Variants in BCAR1 observed in about 807,000 individuals in gnomAD.
BCAR1 encodes breast cancer anti-estrogen resistance protein 1.
BCAR1 carries 30 observed loss-of-function variants against 67.6 expected under a neutral mutation model. That is an observed-to-expected ratio of 0.44 (90% CI 0.33 to 0.60). BCAR1 has a LOEUF of 0.60. Ranked by LOEUF, BCAR1 falls within the 20% of genes least tolerant of loss-of-function variation. BCAR1 has a pLI of 0.02. For missense variants in BCAR1, 1,313 were observed against 1,222.3 expected (o/e 1.07, Z -1.11); for synonymous variants, 626 against 556.7 (o/e 1.12, Z -1.75).
At chr16:75,267,933 G>C in exon 1 of BCAR1, 4 of 1,603,244 alleles carry the variant, frequency 2.5e-6, no homozygotes, top group Non-Finnish European at 3.4e-6. Flanking sequence ...AGGGATCCTT[G>C]GGTGTGGGCC....
rs372776970 is a variant in BCAR1 at position 75,257,501 on chromosome 16, C to T, written c.66+10414G>A. On this transcript the variant is annotated intron_variant, in intron 1 of 6. Coordinates refer to the BCAR1 transcript ENST00000393422. ...AAAGACAAGGTCTCTGTCACCGAGG[C>T]TGGAGTGCAGTGGCACAGTCACAGC... 7.2e-5 allele frequency among the ~76,000 whole-genome samples: 11 copies of T among 152,286 alleles called. No homozygotes were observed. The East Asian group carries it at 1.9e-3, about 27-fold the overall frequency.
chr16:75,253,956 C>T (rs180803938), upstream of BCAR1, among the ~76,000 whole-genome samples: 25 of 147,268 alleles, frequency 1.7e-4, no homozygotes, highest in South Asian at 6.8e-4. Flanking sequence ...AAAACAGGCT[C>T]ACCGTTAGCC....
chr16:75,243,488 G>A (rs773676329), intron 1 of BCAR1: 5 of 535,256 alleles, frequency 9.3e-6, no homozygotes, highest in African/African-American at 5.7e-5. Flanking sequence ...CTCTCTCGAG[G>A]TGCACGAAAA....
At chr16:75,258,979 C>A (rs1055325751) in intron 1 of BCAR1, among the ~76,000 whole-genome samples, 2 of 152,116 alleles carry the variant, frequency 1.3e-5, no homozygotes, top group East Asian at 3.8e-4. Context: ...GGAGGAGGGA[C>A]GCAGGTAGCT....
At chr16:75,253,880 T>C (rs1331675760), upstream of BCAR1, among the ~76,000 whole-genome samples, 1 of 152,060 alleles carries the variant, frequency 6.6e-6, no homozygotes. Context: ...CAGCACAGCC[T>C]CTGCGCCCAG....
At chr16:75,237,888 G>A (rs919570349) in intron 2 of BCAR1, among the ~76,000 whole-genome samples, 2 of 152,220 alleles carry the variant, frequency 1.3e-5, no homozygotes, top group African/African-American at 4.8e-5. Flanking sequence ...AGCACAGCAT[G>A]GGGAGACTCT....
upstream of BCAR1, among the ~76,000 whole-genome samples, chr16:75,253,295 G>A (rs960488339): frequency 9.9e-5 from 15 of 152,236 alleles, no homozygotes; most frequent in Admixed American, 3.3e-4. Flanking sequence ...GGGACCCTCA[G>A]GAGCCTGAGG....
chr16:75,232,348 T>A (rs2076929243), intron 6 of BCAR1, among the ~76,000 whole-genome samples: 1 of 151,994 alleles, frequency 6.6e-6, no homozygotes, highest in East Asian at 1.9e-4. Flanking sequence ...TTAGTAGAGA[T>A]GGGGTTTTGC....
chr16:75,248,395 G>A (rs1387517767), intron 1 of BCAR1: 9 of 1,195,984 alleles, frequency 7.5e-6, no homozygotes, highest in Middle Eastern at 7.1e-4. Context: ...CTATTTGCTT[G>A]TCCCAAAGAG....
At chr16:75,234,757 G>T in intron 5 of BCAR1, 132 bp downstream of exon 5, 2 of 1,357,908 alleles carry the variant, frequency 1.5e-6, no homozygotes, top group Non-Finnish European at 2.0e-6. Flanking sequence ...AATGTGGGGT[G>T]AGGGAGGTCA....
Position 75,236,996 on chromosome 16 carries a change from C to T in BCAR1, c.798G>A (p.Val266=), listed in dbSNP as rs1213472277. Residue 266 remains valine (V), a splice_region_variant and synonymous_variant, in exon 4 of 7, where the codon GTG becomes GTA. Coordinates refer to ENST00000162330, the MANE Select transcript of BCAR1 (RefSeq NM_014567.5). ...TGACAGCCATGGGGGGTGTGTCATA[C>T]ACCTGGGGCAGAAACAGTGCAGGGT... ...GLLPSQYGQE[V]YDTPPMAVKG... is the part of the protein sequence containing the mutation. 3 of 1,596,964 alleles carry T rather than the reference C, an allele frequency of 1.9e-6. No homozygotes were observed. Among genetic ancestry groups the T allele is most frequent in the South Asian group, 2.3e-5 (2 of 87,882 alleles).
chr16:75,234,498 A>G (rs1324673439), intron 5 of BCAR1, among the ~76,000 whole-genome samples: 3 of 152,022 alleles, frequency 2.0e-5, no homozygotes, highest in Non-Finnish European at 2.9e-5. Flanking sequence ...AATGTTCCTT[A>G]CCAGGACTCC....
At chr16:75,264,158 G>A (rs1462321866) in intron 1 of BCAR1, 2 of 1,323,204 alleles carry the variant, frequency 1.5e-6, no homozygotes, top group South Asian at 2.4e-5. Flanking sequence ...TACAGATGAG[G>A]CACAGTGCCA....
chr16:75,240,100 A>C (rs1444411030), intron 2 of BCAR1, among the ~76,000 whole-genome samples: 1 of 152,038 alleles, frequency 6.6e-6, no homozygotes, highest in African/African-American at 2.4e-5. Context: ...CCAGGCTCCC[A>C]CCTTAGCAAC....
In BCAR1 at chr16:75,229,858, T is replaced by C. The variant is rs764998487; in HGVS notation, c.2266A>G (p.Thr756Ala). ...GCGTCCACGGCGTTGGTCAGTGTGG[T>C]CAGGTTGGCCTCACACTGCTCCAGG... ...FYLEQCEANLTTLTNAVDAFF... is the reference protein window; with the variant it reads ...FYLEQCEANLATLTNAVDAFF... Residue 756 changes from threonine to alanine, a missense_variant, in exon 7 of 7, where the codon ACC becomes GCC. Physicochemically the swap from Thr to Ala is moderately conservative, Grantham distance 58 (BLOSUM62 0). Transcript: ENST00000162330. 4.3e-6 allele frequency: 7 copies of C among 1,613,158 alleles called. No individual in the cohort carries two copies. Among genetic ancestry groups the C allele is most frequent in the Non-Finnish European group, 5.9e-6 (7 of 1,179,986 alleles).
chr16:75,231,903 C>T (rs1181337743), intron 6 of BCAR1, among the ~76,000 whole-genome samples: 1 of 152,184 alleles, frequency 6.6e-6, no homozygotes, highest in Non-Finnish European at 1.5e-5. Flanking sequence ...GTTTTTGAGA[C>T]GGAGTTTCGC....
chr16:75,258,718 C>G (rs1256026833), intron 1 of BCAR1, among the ~76,000 whole-genome samples: 1 of 152,240 alleles, frequency 6.6e-6, no homozygotes, highest in African/African-American at 2.4e-5. Context: ...ACAGGCAAGC[C>G]AACTCCTTCG....
rs760318352 is a variant in BCAR1, at chr16:75,233,898, A to T, written c.2048T>A (p.Leu683Gln). The T allele has an allele frequency of 4.2e-5, 68 of 1,610,924 alleles. No individual in the cohort carries two copies. In the South Asian group the frequency reaches 7.5e-4, roughly 18 times the overall value. ...EEFEKTQKEL[L>Q]EKGSITRQGK... ...CTGCCGCGTGATGCTGCCCTTTTCC[A>T]GCAGCTCCTTCTGGGTCTTCTCAAA... Residue 683 changes from leucine (L) to glutamine (Q), a missense_variant, in exon 6 of 7, where the codon CTG becomes CAG. By Grantham distance (113) the Leu-to-Gln change is moderately radical. This residue lies in a region of BCAR1 where 1,272 missense variants were observed against 1,137.5 expected (regional missense o/e 1.12). Coordinates refer to ENST00000162330, the MANE Select transcript of BCAR1 (RefSeq NM_014567.5).
chr16:75,232,567 A>C (rs987575969), intron 6 of BCAR1, among the ~76,000 whole-genome samples: 4 of 152,202 alleles, frequency 2.6e-5, no homozygotes, highest in African/African-American at 9.6e-5. Flanking sequence ...AAGTGTTAGG[A>C]TTACAGGTGT....
Sources: allele counts gnomAD v4.1 joint callset (sites outside exome capture counted in the v4.1 genomes callset), GRCh38; gene constraint gnomAD v4.1.1; regional missense constraint gnomAD v4.1.1; transcripts MANE v1.5; gene names NCBI Gene and HGNC (gene_info 2026-07-23, HGNC 2026-07-21).